Variants in KIAA1217 observed in about 807,000 individuals in gnomAD.
KIAA1217 encodes the protein KIAA1217.
In KIAA1217, 88 loss-of-function variants were observed where a neutral mutation model predicts 163.9. That is an observed-to-expected ratio of 0.54 (90% CI 0.45 to 0.64). The LOEUF (loss-of-function observed/expected upper bound fraction) is 0.64. Among genes scored for constraint, KIAA1217 ranks in the 30% least tolerant of loss-of-function variants. The pLI, the probability that KIAA1217 is intolerant of heterozygous loss-of-function variation, is 0.00. For missense variants in KIAA1217, 2,372 were observed against 2,475.0 expected, an observed-to-expected ratio of 0.96 and a Z score of 0.88; for synonymous variants, 903 against 923.1, an observed-to-expected ratio of 0.98 and a Z score of 0.39.
intron 2 of KIAA1217, among the ~76,000 whole-genome samples, chr10:24,018,012 C>A (rs1025841505): frequency 6.6e-6 from 1 of 152,008 alleles, no homozygotes; most frequent in Non-Finnish European, 1.5e-5. Context: ...ACCTTTGTAG[C>A]CCCCCAAAAA....
rs192041478 is a variant in KIAA1217 at position 24,250,768 on chromosome 10, T to C, written c.354+30859T>C. 1.8e-3 allele frequency among the ~76,000 whole-genome samples: 259 copies of C among 145,280 alleles called. 1 individual carries two copies. The highest frequency in any genetic ancestry group is 6.3e-3 in the African/African-American group (247 of 39,434). On this transcript the variant is annotated intron_variant, in intron 2 of 20. Coordinates refer to ENST00000376454, the MANE Select transcript of KIAA1217 (RefSeq NM_019590.5). Reference sequence around the variant, plus strand: ...GCCTGGCCACATTTGTCAACTTTCATTGGTCAATGATTGATGCAAGCCAGA... The same window carrying C: ...GCCTGGCCACATTTGTCAACTTTCACTGGTCAATGATTGATGCAAGCCAGA...
At chr10:23,818,008 T>TACAC (rs1255645777) in intron 1 of KIAA1217, among the ~76,000 whole-genome samples, 7 of 87,258 alleles carry the variant, frequency 8.0e-5, no homozygotes, top group African/African-American at 2.6e-4. Flanking sequence ...TATATATATA[T>TACAC]ACACACATAT....
intron 2 of KIAA1217, among the ~76,000 whole-genome samples, chr10:24,065,784 T>C (rs2060918632): frequency 6.6e-6 from 1 of 152,192 alleles, no homozygotes; most frequent in African/African-American, 2.4e-5. Context: ...TCTAAGTCTC[T>C]TTGTAGGTCA....
In KIAA1217 at chr10:24,030,825, T is replaced by C. The variant is rs1589257955; in HGVS notation, c.-171+23451T>C. ...GTATAATGTCCTCAAGGTTCATCTATATTGCAGCACATGTCAGAAGTTCCT... is the reference window on the plus strand; with the variant it reads ...GTATAATGTCCTCAAGGTTCATCTACATTGCAGCACATGTCAGAAGTTCCT... On this transcript the variant is annotated intron_variant, in intron 2 of 18. Coordinates refer to the KIAA1217 transcript ENST00000376462. 2.0e-5 allele frequency among the ~76,000 whole-genome samples: 3 copies of C among 152,316 alleles called. No homozygotes were observed. The East Asian group carries it at 5.8e-4, about 29-fold the overall frequency.
intron 1 of KIAA1217, among the ~76,000 whole-genome samples, chr10:23,923,550 T>C (rs1170305992): frequency 6.6e-6 from 1 of 151,870 alleles, no homozygotes; most frequent in East Asian, 1.9e-4. Flanking sequence ...CAGAAGGAGA[T>C]TTGACTACAC....
intron 2 of KIAA1217, among the ~76,000 whole-genome samples, chr10:24,127,724 G>A (rs2063516880): frequency 6.6e-6 from 1 of 152,160 alleles, no homozygotes; most frequent in East Asian, 1.9e-4. Flanking sequence ...TTTATGACAT[G>A]TCAAAGAGTA....
At chr10:24,069,417 C>T (rs1297063427) in intron 2 of KIAA1217, among the ~76,000 whole-genome samples, 3 of 151,988 alleles carry the variant, frequency 2.0e-5, no homozygotes, top group Non-Finnish European at 4.4e-5. Context: ...CTCTGTAGCC[C>T]CAGGTGTCTG....
At position 24,335,935 on chromosome 10, in the gene KIAA1217, C is replaced by T. The variant is rs148073249; in HGVS notation, c.355-44934C>T. Among the ~76,000 whole-genome samples the T allele has an allele frequency of 8.2e-3, 1,246 of 152,286 alleles. 3 individuals are homozygous for T. The highest frequency in any genetic ancestry group is 0.012 in the Non-Finnish European group (788 of 68,036). ...TTGAATTGTGCACTTGAAATGGGTA[C>T]ATTTGGCTGAGCGCAGTGGCTCAGG... On this transcript the variant is annotated intron_variant, in intron 2 of 20. Transcript: ENST00000376454.
At chr10:23,733,545 C>T (rs1169091012) in intron 1 of KIAA1217, among the ~76,000 whole-genome samples, 3 of 152,002 alleles carry the variant, frequency 2.0e-5, no homozygotes, top group African/African-American at 7.2e-5. Context: ...ACTTATAATA[C>T]CTAATACAAG....
At chr10:24,347,450 A>G (rs2047929899) in intron 2 of KIAA1217, among the ~76,000 whole-genome samples, 1 of 151,932 alleles carries the variant, frequency 6.6e-6, no homozygotes, top group Non-Finnish European at 1.5e-5. Flanking sequence ...CATTTCTCAG[A>G]GAAAAAAAGA....
Position 23,865,914 on chromosome 10 carries a change from T to C in KIAA1217, c.-320-141311T>C, listed in dbSNP as rs557493634. Among the ~76,000 whole-genome samples, 171 of 152,316 alleles carry C rather than the reference T, an allele frequency of 1.1e-3. 1 individual carries two copies. The highest frequency in any genetic ancestry group is 3.9e-3 in the African/African-American group (161 of 41,590). ...ATAGATATTCAAATCTTTGTCTGGA[T>C]TCTCTATTGATTTATTTGCTCCTGT... On this transcript the variant is annotated intron_variant, in intron 1 of 18. Coordinates refer to the KIAA1217 transcript ENST00000376462.
At chr10:23,817,209 G>A (rs1011560451) in intron 1 of KIAA1217, among the ~76,000 whole-genome samples, 9 of 152,208 alleles carry the variant, frequency 5.9e-5, no homozygotes, top group East Asian at 3.9e-4. Context: ...TCATTTCACC[G>A]TCTCAAAATG....
At chr10:24,014,549 A>G (rs1261852053) in intron 2 of KIAA1217, among the ~76,000 whole-genome samples, 3 of 152,172 alleles carry the variant, frequency 2.0e-5, no homozygotes, top group Non-Finnish European at 4.4e-5. Flanking sequence ...ACAAGGACCC[A>G]AAGCAGTAGA....
chr10:24,056,687 A>G (rs1034519144), intron 2 of KIAA1217, among the ~76,000 whole-genome samples: 1 of 152,204 alleles, frequency 6.6e-6, no homozygotes, highest in African/African-American at 2.4e-5. Context: ...AGTTCCCAAT[A>G]AAAATTTCAC....
At chr10:23,901,358 TAC>T (rs1191425917) in intron 1 of KIAA1217, among the ~76,000 whole-genome samples, 2 of 152,110 alleles carry the variant, frequency 1.3e-5, no homozygotes, top group Non-Finnish European at 2.9e-5. Flanking sequence ...TCCATAGTAA[TAC>T]AGTCTTATAC....
At chr10:24,253,869 C>A (rs972474414) in intron 2 of KIAA1217, among the ~76,000 whole-genome samples, 1 of 151,798 alleles carries the variant, frequency 6.6e-6, no homozygotes, top group African/African-American at 2.4e-5. Flanking sequence ...GAGCCATGAT[C>A]AGGCCACTGC....
intron 1 of KIAA1217, among the ~76,000 whole-genome samples, chr10:23,826,845 T>A (rs563572951): frequency 6.6e-6 from 1 of 152,342 alleles, no homozygotes; most frequent in South Asian, 2.1e-4. Context: ...CAGAGCTTCG[T>A]GAACTGTTTC....
chr10:23,824,642 AAAAAAAAAT>A (rs1250449972), intron 1 of KIAA1217, among the ~76,000 whole-genome samples: 97 of 90,398 alleles, frequency 1.1e-3, no homozygotes, highest in African/African-American at 3.9e-3. Context: ...AAAAAAAAAA[AAAAAAAAAT>A]AAAAAAAATA....
At chr10:23,971,229 C>T (rs967102071) in intron 1 of KIAA1217, among the ~76,000 whole-genome samples, 1 of 152,184 alleles carries the variant, frequency 6.6e-6, no homozygotes, top group Non-Finnish European at 1.5e-5. Flanking sequence ...CTTCCCTTAC[C>T]AGTTGAATAT....
Sources: allele counts gnomAD v4.1 joint callset (sites outside exome capture counted in the v4.1 genomes callset), GRCh38; gene constraint gnomAD v4.1.1; transcripts MANE v1.5; gene names NCBI Gene and HGNC (gene_info 2026-07-23, HGNC 2026-07-21).